The following KYAT3 variants were observed in gnomAD, a reference collection of about 807,000 sequenced individuals.
KYAT3 encodes kynurenine--oxoglutarate transaminase 3.
A neutral mutation model predicts 59.0 loss-of-function variants in KYAT3; 50 were observed. The observed-to-expected ratio is 0.85, with a 90% CI of 0.68 to 1.07. The LOEUF is 1.07. Ranked by LOEUF, KYAT3 falls within the 50% of genes least tolerant of loss-of-function variation. KYAT3 has a pLI of 0.00. For synonymous variants in KYAT3, 148 were observed against 177.0 expected (o/e 0.84, Z 1.30); for missense variants, 497 against 533.3 (o/e 0.93, Z 0.67).
At position 88,949,304 on chromosome 1, in the gene KYAT3, A is replaced by T. The variant is rs1479762286; in HGVS notation, c.955-27T>A. The T allele has an allele frequency of 2.7e-6, 4 of 1,490,016 alleles. No individual in the cohort carries two copies. In the African/African-American group the frequency reaches 5.7e-5, roughly 21 times the overall value. The allele number at this position is 1,490,016 out of a possible 1,614,324, so 92.3% of individuals were successfully genotyped here. On this transcript the variant is annotated intron_variant, in intron 10 of 13. Coordinates refer to ENST00000260508, the MANE Select transcript of KYAT3 (RefSeq NM_001008661.3). ...TGTTTGTTAAGAATCAAAAAATATG[A>T]AAAGGCATATGGCAATGTTATTTAT...
chr1:88,941,246 T>C (rs1675224377), intron 13 of KYAT3, among the ~76,000 whole-genome samples: 1 of 152,214 alleles, frequency 6.6e-6, no homozygotes, highest in South Asian at 2.1e-4. Context: ...AATATTTATA[T>C]TCTATTCTGA....
chr1:88,936,172 T>C lies in KYAT3; in HGVS notation c.*11A>G, dbSNP rs778972305. The C allele has an allele frequency of 2.5e-6, 4 of 1,594,716 alleles. No individual in the cohort carries two copies. Among genetic ancestry groups the C allele is most frequent in the Non-Finnish European group, 3.4e-6 (4 of 1,163,924 alleles). The stretch of plus-strand genomic sequence containing the variant: ...GTCATCTAACAGAAACATTAATCCA[T>C]TCTGCACAAATCAAGACTTCTGTAC... On this transcript the variant is annotated 3_prime_UTR_variant, in exon 14 of 14. Transcript: ENST00000260508.
chr1:88,969,121 C>G (rs751402396), intron 3 of KYAT3, among the ~76,000 whole-genome samples: 7 of 152,148 alleles, frequency 4.6e-5, no homozygotes, highest in Non-Finnish European at 1.0e-4. Context: ...TATTAGAGAA[C>G]AGAACTAATA....
chr1:88,921,986 C>T, the KYAT3 span, among the ~76,000 whole-genome samples: 1 of 152,290 alleles, frequency 6.6e-6, no homozygotes, highest in Admixed American at 6.5e-5. Context: ...AACATTTTAT[C>T]ATACAGTTAC....
chr1:88,971,031 C>T (rs906860225), intron 2 of KYAT3, among the ~76,000 whole-genome samples: 5 of 152,118 alleles, frequency 3.3e-5, no homozygotes, highest in East Asian at 3.8e-4. Context: ...GAACATGATG[C>T]CATTCTAGAG....
intron 9 of KYAT3, among the ~76,000 whole-genome samples, chr1:88,954,198 G>A (rs538514187): frequency 6.6e-6 from 1 of 152,122 alleles, no homozygotes; most frequent in Non-Finnish European, 1.5e-5. Flanking sequence ...ACGCCTGGCC[G>A]ATGCTCCCTG....
Position 88,953,902 on chromosome 1 carries a change from CTTCTT to C in KYAT3, c.865-755_865-751del, listed in dbSNP as rs1231836621. Among the ~76,000 whole-genome samples the C allele has an allele frequency of 9.4e-5, 12 of 127,210 alleles. 2 individuals carry two copies. Among genetic ancestry groups the C allele is most frequent in the African/African-American group, 3.3e-4 (12 of 36,408 alleles). The allele number at this position is 127,210 out of a possible 152,430, so 83.5% of individuals were successfully genotyped here. On this transcript the variant is annotated intron_variant, in intron 9 of 13. Coordinates refer to ENST00000260508, the MANE Select transcript of KYAT3 (RefSeq NM_001008661.3). ...TTGATGCTCCCTCCTTCTTCTTCTT[CTTCTT>C]TTTTTTTTTTTTGAGACGGAGTTTT...
intron 11 of KYAT3, among the ~76,000 whole-genome samples, chr1:88,947,170 G>C (rs191660727): frequency 9.2e-5 from 14 of 152,288 alleles, no homozygotes; most frequent in Admixed American, 8.5e-4. Context: ...GGACTGCCTA[G>C]ATATGCCACA....
chr1:88,984,942 G>A (rs937059174), intron 2 of KYAT3, among the ~76,000 whole-genome samples: 9 of 152,196 alleles, frequency 5.9e-5, no homozygotes, highest in Admixed American at 2.6e-4. Context: ...ACTTCTGTCT[G>A]GTTACTTCAT....
At chr1:88,965,387 G>A (rs1676308774) in intron 4 of KYAT3, among the ~76,000 whole-genome samples, 1 of 152,130 alleles carries the variant, frequency 6.6e-6, no homozygotes, top group Non-Finnish European at 1.5e-5. Context: ...CCTGATTGCT[G>A]GAGAGATGGT....
rs139388874 is a variant in KYAT3, at chr1:88,945,280, A to G, written c.1142-1857T>C. 1.7e-4 allele frequency among the ~76,000 whole-genome samples: 26 copies of G among 152,342 alleles called. 2 individuals carry two copies. In the East Asian group the frequency reaches 5.0e-3, roughly 29 times the overall value. The stretch of plus-strand genomic sequence containing the variant: ...TCAGCCAGACATCCTCAAGGGAACT[A>G]AAGTCTTTCTTTATTGACAGTAAGA... On this transcript the variant is annotated intron_variant, in intron 11 of 13. Transcript: ENST00000260508.
chr1:88,930,044 T>C, the KYAT3 span, among the ~76,000 whole-genome samples: 1 of 152,152 alleles, frequency 6.6e-6, no homozygotes, highest in Admixed American at 6.5e-5. Context: ...CTTTTCTTTA[T>C]ATGTCACAGA....
At chr1:88,936,754 T>C (rs924378535) in intron 13 of KYAT3, among the ~76,000 whole-genome samples, 1 of 152,242 alleles carries the variant, frequency 6.6e-6, no homozygotes, top group Non-Finnish European at 1.5e-5. Flanking sequence ...ATTTTTTGAA[T>C]AGGTGATTCA....
intron 2 of KYAT3, among the ~76,000 whole-genome samples, chr1:88,974,758 G>A (rs952860248): frequency 3.9e-5 from 6 of 152,028 alleles, no homozygotes; most frequent in South Asian, 4.2e-4. Flanking sequence ...ACCAATCAGC[G>A]CTCTGGGTCT....
intron 6 of KYAT3, 110 bp downstream of exon 6, chr1:88,961,949 A>G (rs1676162652): frequency 3.9e-6 from 3 of 759,800 alleles, no homozygotes; most frequent in Admixed American, 2.2e-5. Flanking sequence ...ATATACAGGA[A>G]ATCTCCAAAT....
chr1:88,942,928 G>T, intron 13 of KYAT3, 77 bp downstream of exon 13: 1 of 1,102,968 alleles, frequency 9.1e-7, no homozygotes, highest in Non-Finnish European at 1.3e-6. Flanking sequence ...ATCATTTTTA[G>T]AAACAGAAGA....
chr1:88,944,854 A>T (rs944326599), intron 11 of KYAT3, among the ~76,000 whole-genome samples: 1 of 151,982 alleles, frequency 6.6e-6, no homozygotes, highest in Admixed American at 6.6e-5. Flanking sequence ...TTATTTATTT[A>T]TTTTTTGAGA....
chr1:88,930,792 G>A (rs377156978), downstream of KYAT3, among the ~76,000 whole-genome samples: 4 of 152,160 alleles, frequency 2.6e-5, no homozygotes, highest in African/African-American at 9.7e-5. Flanking sequence ...GAAGCCATTA[G>A]GAGATTATTA....
chr1:88,953,275 T>A, intron 9 of KYAT3, 123 bp from the exon 10 acceptor site: 2 of 663,146 alleles, frequency 3.0e-6, no homozygotes, highest in Non-Finnish European at 5.3e-6. Flanking sequence ...CTGGGTATGG[T>A]GACTCACACC....
Sources: gnomAD v4.1 joint callset for allele counts (sites outside exome capture counted in the v4.1 genomes callset) on GRCh38, gnomAD v4.1.1 for gene constraint, MANE v1.5 for transcripts, NCBI Gene and HGNC (gene_info 2026-07-23, HGNC 2026-07-21) for gene names.